ABI3: variants seen among roughly 807,000 people sequenced by gnomAD.
ABI3 encodes the protein ABI family member 3, also known as ABI gene family member 3.
In ABI3, 24 loss-of-function variants were observed where a neutral mutation model predicts 37.0. The observed-to-expected ratio is 0.65, with a 90% CI of 0.47 to 0.91. The LOEUF is 0.91. Among genes scored for constraint, ABI3 ranks in the 40% least tolerant of loss-of-function variants. ABI3 has a pLI of 0.00. For missense variants in ABI3, 481 were observed against 485.1 expected (o/e 0.99, Z 0.08); for synonymous variants, 220 against 211.8 (o/e 1.04, Z -0.34).
chr17:49,211,145 C>G (rs1452449255), intron 1 of ABI3, among the ~76,000 whole-genome samples: 1 of 152,206 alleles, frequency 6.6e-6, no homozygotes, highest in Admixed American at 6.5e-5. Context: ...TCCCACGGGT[C>G]AATCCAGAGA....
In ABI3 at chr17:49,222,838, C is replaced by A. The variant is rs907935376; in HGVS notation, c.*123C>A. On this transcript the variant is annotated 3_prime_UTR_variant, in exon 8 of 8. Transcript: ENST00000225941. ...CACCTCTTGGGCTGTGAGCTGTGTT[C>A]TGTCCTTCCTCCCATCGGAGGGAGA... 5.3e-5 allele frequency: 60 copies of A among 1,134,116 alleles called. No individual in the cohort carries two copies. Among genetic ancestry groups the A allele is most frequent in the Non-Finnish European group, 7.1e-5 (58 of 817,224 alleles). The allele number at this position is 1,134,116 out of a possible 1,614,324, so 70.3% of individuals were successfully genotyped here.
Position 49,219,714 on chromosome 17 carries a change from C to T in ABI3, c.548+89C>T. 2 of 1,429,688 alleles carry T rather than the reference C, an allele frequency of 1.4e-6. No homozygotes were observed. Among genetic ancestry groups the T allele is most frequent in the South Asian group, 1.2e-5 (1 of 80,044 alleles). 88.6% of individuals were successfully genotyped at this position (1,429,688 alleles called of 1,614,324 possible). On this transcript the variant is annotated intron_variant, in intron 4 of 7. Transcript: ENST00000225941. The surrounding 1 kb of genome is among the most constrained non-coding windows in gnomAD (Gnocchi z 4.3). ...CCCCAGCCTCGCCACCCACCCCTGG[C>T]GCCCCCGGGTGCTCAGGCCGTCATG... is the stretch of plus-strand genomic sequence containing the variant.
At chr17:49,217,541 A>G (rs1298662727) in intron 2 of ABI3, among the ~76,000 whole-genome samples, 198 bp from the exon 3 acceptor site, 1 of 141,894 alleles carries the variant, frequency 7.0e-6, no homozygotes, top group Non-Finnish European at 1.5e-5. Flanking sequence ...AGTTGCTCCA[A>G]AGTGGCTCCA....
rs370412209 is a variant in ABI3, at chr17:49,217,910, A to T, written c.457A>T (p.Ile153Phe). 12 of 1,547,658 alleles carry T rather than the reference A, an allele frequency of 7.8e-6. No homozygotes were observed. Among genetic ancestry groups the T allele is most frequent in the Non-Finnish European group, 1.0e-5 (12 of 1,152,752 alleles). Residue 153 changes from isoleucine to phenylalanine, a missense_variant, in exon 3 of 8, where the codon ATC becomes TTC. Transcript: ENST00000225941. ...CTGCCTGGACGACATTGGCCATGGG[A>T]TCAAGGTAGAGAGAGGGGCCCTCCT... ...FGCLDDIGHG[I>F]KDLSTQLSRT...
intron 2 of ABI3, among the ~76,000 whole-genome samples, chr17:49,217,210 T>C (rs2043228494): frequency 6.6e-6 from 1 of 152,106 alleles, no homozygotes; most frequent in South Asian, 2.1e-4. Context: ...CAGCCACACA[T>C]TTGGCCTGGC....
chr17:49,211,765 C>T (rs986248387), intron 1 of ABI3, among the ~76,000 whole-genome samples: 1 of 152,088 alleles, frequency 6.6e-6, no homozygotes, highest in African/African-American at 2.4e-5. Flanking sequence ...CTGCCTCAGC[C>T]TCCTGAGTAG....
chr17:49,213,870 T>C (rs1321506637), intron 1 of ABI3, among the ~76,000 whole-genome samples: 1 of 152,242 alleles, frequency 6.6e-6, no homozygotes, highest in African/African-American at 2.4e-5. Flanking sequence ...TTTCCTCATT[T>C]AGTAAAGGAA....
chr17:49,216,531 G>T lies in ABI3; in HGVS notation c.118G>T (p.Ala40Ser). 6.4e-7 allele frequency: 1 copy of T among 1,570,966 alleles called. No individual in the cohort carries two copies. The change falls in exon 2 of 8, where the codon GCC becomes TCC. Residue 40 changes from alanine to serine, a missense_variant and splice_region_variant. Physicochemically the swap from Ala to Ser is moderately conservative, Grantham distance 99. Transcript: ENST00000225941. ...TAGGCCAGGGCTGTGTGTATTTCAG[G>T]CCACAGACAAGCGGAAGGCGCTGGA... ...ADYCEDNYVQ[A>S]TDKRKALEET... is the part of the protein sequence containing the mutation.
intron 7 of ABI3, 53 bp from the exon 8 acceptor site, chr17:49,222,499 G>T (rs933379245): frequency 6.3e-7 from 1 of 1,590,346 alleles, no homozygotes; most frequent in Admixed American, 1.7e-5. Context: ...GGGGGGTGAG[G>T]GGGAGAGGGC....
At chr17:49,216,122 A>G (rs990046891) in intron 1 of ABI3, among the ~76,000 whole-genome samples, 2 of 151,458 alleles carry the variant, frequency 1.3e-5, no homozygotes, top group Non-Finnish European at 2.9e-5. Context: ...AGAAAAAAAA[A>G]AAAAAAAAGA....
At chr17:49,218,058 G>A (rs2043240759) in intron 3 of ABI3, 143 bp downstream of exon 3, 4 of 834,780 alleles carry the variant, frequency 4.8e-6, no homozygotes, top group Non-Finnish European at 7.0e-6. Context: ...ACCACTCTGA[G>A]CTCTTCTCCC....
chr17:49,220,191 G>T lies in ABI3; in HGVS notation c.667G>T (p.Ala223Ser). ...SAGSAEGVGGAPTPKGQAAPP... is the reference protein window; with the variant it reads ...SAGSAEGVGGSPTPKGQAAPP... ...CAGCAGCGCCGAAGGTGTCGGTGGG[G>T]CCCCCACGCCCAAGGGGCAGGCAGC... The change falls in exon 6 of 8, where the codon GCC becomes TCC. Residue 223 changes from alanine (A) to serine (S), a missense_variant. Coordinates refer to ENST00000225941, the MANE Select transcript of ABI3 (RefSeq NM_016428.3). The T allele has an allele frequency of 6.2e-7, 1 of 1,612,000 alleles. No homozygotes were observed. The highest frequency in any genetic ancestry group is 1.1e-5 in the South Asian group (1 of 90,988).
In ABI3 at chr17:49,219,522, C is replaced by T; in HGVS notation, c.463-18C>T. 3 of 1,583,936 alleles carry T rather than the reference C, an allele frequency of 1.9e-6. No homozygotes were observed. Among genetic ancestry groups the T allele is most frequent in the Non-Finnish European group, 2.6e-6 (3 of 1,164,514 alleles). On this transcript the variant is annotated intron_variant, in intron 3 of 7. Coordinates refer to ENST00000225941, the MANE Select transcript of ABI3 (RefSeq NM_016428.3). The surrounding 1 kb of genome is among the most constrained non-coding windows in gnomAD (Gnocchi z 4.3). ...CCCCTCACCCCAAATGTAAGCCCTA[C>T]CTCCCGCTCCCTCGCAGGACCTCAG...
chr17:49,216,211 G>A (rs948559918), intron 1 of ABI3, among the ~76,000 whole-genome samples: 25 of 151,680 alleles, frequency 1.6e-4, no homozygotes, highest in African/African-American at 5.6e-4. Flanking sequence ...AGGACAGCCT[G>A]TTACTGAAGT....
At chr17:49,217,064 T>G (rs1037708398) in intron 2 of ABI3, among the ~76,000 whole-genome samples, 2 of 152,100 alleles carry the variant, frequency 1.3e-5, no homozygotes, top group African/African-American at 4.8e-5. Flanking sequence ...CAAGGTCATC[T>G]TCAGCCCTGG....
rs773857253 is a variant in ABI3 at position 49,219,604 on chromosome 17, C to T, written c.527C>T (p.Thr176Ile). The T allele has an allele frequency of 4.2e-5, 67 of 1,604,550 alleles. No individual in the cohort carries two copies. In the South Asian group the frequency reaches 7.3e-4, roughly 17 times the overall value. ...LSRKSIKAPA[T>I]PASATLGRPP... ...CGAAAGAGCATCAAGGCCCCTGCCA[C>T]ACCCGCCTCCGCCACCTTGGGGTGA... Residue 176 changes from threonine (T) to isoleucine (I), a missense_variant, in exon 4 of 8, where the codon ACA becomes ATA. By Grantham distance (89) the Thr-to-Ile change is moderately conservative. Transcript: ENST00000225941. This position sits in a 1 kb window ranked among gnomAD's most constrained non-coding sequence, Gnocchi z 4.3.
At chr17:49,218,770 A>ATTTTTTTTTTTTTTTT (rs71144583) in intron 3 of ABI3, among the ~76,000 whole-genome samples, 2 of 131,786 alleles carry the variant, frequency 1.5e-5, no homozygotes, top group African/African-American at 3.0e-5. Context: ...TGCCCGGCTA[A>ATTTTTTTTTTTTTTTT]TTTTTTTTTT....
chr17:49,222,043 A>G (rs374539989), intron 6 of ABI3, 48 bp from the exon 7 acceptor site: 1 of 1,527,722 alleles, frequency 6.5e-7, no homozygotes, highest in African/African-American at 1.4e-5. Flanking sequence ...TGACACACTG[A>G]AGGAGCTTCC....
intron 3 of ABI3, 89 bp downstream of exon 3, chr17:49,218,004 T>C: frequency 1.6e-5 from 21 of 1,291,656 alleles, no homozygotes; most frequent in Non-Finnish European, 2.0e-5. Flanking sequence ...TCTGCAAGTT[T>C]TGTCCCCACT....
Sources: allele counts gnomAD v4.1 joint callset (sites outside exome capture counted in the v4.1 genomes callset), GRCh38; gene constraint gnomAD v4.1.1; non-coding constraint Gnocchi (gnomAD v3.1); transcripts MANE v1.5; gene names NCBI Gene and HGNC (gene_info 2026-07-23, HGNC 2026-07-21).